Variants in GPC5 observed in about 807,000 individuals in gnomAD.
GPC5 encodes glypican 5, also known as glypican-5.
Under a neutral mutation model 53.9 loss-of-function variants are expected in GPC5, and 47 were observed. That is an observed-to-expected ratio of 0.87 (90% CI 0.69 to 1.11). The LOEUF (loss-of-function observed/expected upper bound fraction) is 1.11. Ranked by LOEUF, GPC5 falls within the 50% of genes most tolerant of loss-of-function variation. GPC5 has a pLI of 0.00. For missense variants in GPC5, 748 were observed against 713.1 expected, an observed-to-expected ratio of 1.05 and a Z score of -0.56; for synonymous variants, 286 against 263.3, an observed-to-expected ratio of 1.09 and a Z score of -0.84.
chr13:92,175,700 A>G (rs2042104402), intron 7 of GPC5, among the ~76,000 whole-genome samples: 2 of 152,172 alleles, frequency 1.3e-5, no homozygotes, highest in South Asian at 4.1e-4. Context: ...TATTAACTGT[A>G]ACACTGTGAG....
chr13:92,361,189 GA>G lies in GPC5; in HGVS notation c.1561+216208del, dbSNP rs963335705. Among the ~76,000 whole-genome samples, 65 of 151,406 alleles carry G rather than the reference GA, an allele frequency of 4.3e-4. 5 individuals carry two copies. Among genetic ancestry groups the G allele is most frequent in the African/African-American group, 1.5e-3 (60 of 40,970 alleles). ...ATAATGGTTGCTAATTCAAATAAAG[GA>G]AAAAAAACAATGGATGCTAAAGAAA... is the stretch of plus-strand genomic sequence containing the variant. On this transcript the variant is annotated intron_variant, in intron 7 of 7. Coordinates refer to ENST00000377067, the MANE Select transcript of GPC5 (RefSeq NM_004466.6).
chr13:91,562,686 T>C (rs1165742993), intron 2 of GPC5, among the ~76,000 whole-genome samples: 1 of 150,834 alleles, frequency 6.6e-6, no homozygotes, highest in East Asian at 1.9e-4. Context: ...TCCAAAGTGC[T>C]GGGATTACAG....
In GPC5 at chr13:91,691,828, A is replaced by G. The variant is rs2035763667; in HGVS notation, c.326-1359A>G. ...CTCTTCTTCCACCTATTTTTGTAAT[A>G]TACTCAAACAGTGTTTAGATTACTA... is the stretch of plus-strand genomic sequence containing the variant. On this transcript the variant is annotated intron_variant, in intron 2 of 7. Coordinates refer to ENST00000377067, the MANE Select transcript of GPC5 (RefSeq NM_004466.6). Among the ~76,000 whole-genome samples, 3 of 152,086 alleles carry G rather than the reference A, an allele frequency of 2.0e-5. No homozygotes were observed. The South Asian group carries it at 6.2e-4, about 32-fold the overall frequency.
intron 2 of GPC5, among the ~76,000 whole-genome samples, chr13:91,515,073 G>A (rs985368356): frequency 6.6e-6 from 1 of 152,100 alleles, no homozygotes; most frequent in East Asian, 1.9e-4. Context: ...TGTGGCTAGG[G>A]GCTACTGTAT....
chr13:92,820,915 G>T (rs190320374), intron 7 of GPC5, among the ~76,000 whole-genome samples: 5 of 152,246 alleles, frequency 3.3e-5, no homozygotes, highest in Admixed American at 2.6e-4. Context: ...GAAAAACAGT[G>T]ACGAAACTGC....
At chr13:91,974,107 C>T (rs1046882543) in intron 6 of GPC5, among the ~76,000 whole-genome samples, 1 of 152,206 alleles carries the variant, frequency 6.6e-6, no homozygotes, top group African/African-American at 2.4e-5. Context: ...GCAGGCAGGC[C>T]TCCTTGAGCT....
chr13:92,216,522 G>A (rs1389923071), intron 7 of GPC5, among the ~76,000 whole-genome samples: 1 of 152,148 alleles, frequency 6.6e-6, no homozygotes, highest in Non-Finnish European at 1.5e-5. Context: ...TCAGTTCCTT[G>A]ATACTATCTG....
chr13:92,223,237 C>T (rs1268243423), intron 7 of GPC5, among the ~76,000 whole-genome samples: 1 of 152,172 alleles, frequency 6.6e-6, no homozygotes, highest in African/African-American at 2.4e-5. Context: ...ACTTGAAAGG[C>T]TTCTTACTCT....
rs181930928 is a variant in GPC5, at chr13:92,290,896, G to A, written c.1561+145907G>A. Among the ~76,000 whole-genome samples the A allele has an allele frequency of 5.1e-3, 779 of 152,210 alleles. 7 individuals carry two copies. The highest frequency in any genetic ancestry group is 0.018 in the African/African-American group (747 of 41,546). On this transcript the variant is annotated intron_variant, in intron 7 of 7. Transcript: ENST00000377067. ...TGCGGGGAGGTGTGGAGGGAGAGGC[G>A]CTGGCGGAAACCGGGGCTGCGCACA...
intron 7 of GPC5, among the ~76,000 whole-genome samples, chr13:92,585,833 C>T (rs1883520868): frequency 6.6e-6 from 1 of 152,112 alleles, no homozygotes; most frequent in African/African-American, 2.4e-5. Flanking sequence ...GGGGAGTTGT[C>T]CTGCACAAGC....
At chr13:91,946,609 C>T (rs2039976515) in intron 6 of GPC5, among the ~76,000 whole-genome samples, 1 of 152,090 alleles carries the variant, frequency 6.6e-6, no homozygotes, top group East Asian at 1.9e-4. Context: ...TGCAAATTAT[C>T]CCTAACACCT....
Position 92,782,371 on chromosome 13 carries a change from A to G in GPC5, c.1562-83911A>G, listed in dbSNP as rs534340318. Among the ~76,000 whole-genome samples the G allele has an allele frequency of 8.5e-5, 13 of 152,290 alleles. No individual in the cohort carries two copies. In the South Asian group the frequency reaches 2.3e-3, roughly 27 times the overall value. ...TTTCAGAATAAGAATACACATAGGCAAACAAGGTCACTGCAGCCCGTGCTA... is the reference window on the plus strand; with the variant it reads ...TTTCAGAATAAGAATACACATAGGCGAACAAGGTCACTGCAGCCCGTGCTA... On this transcript the variant is annotated intron_variant, in intron 7 of 7. Coordinates refer to ENST00000377067, the MANE Select transcript of GPC5 (RefSeq NM_004466.6).
At chr13:92,776,591 T>C (rs1393974957) in intron 7 of GPC5, among the ~76,000 whole-genome samples, 3 of 152,250 alleles carry the variant, frequency 2.0e-5, no homozygotes, top group Non-Finnish European at 4.4e-5. Context: ...CAATGTCTGA[T>C]AGAATAGGCA....
intron 7 of GPC5, among the ~76,000 whole-genome samples, chr13:92,478,151 TATA>T (rs1879222176): frequency 6.6e-6 from 1 of 152,196 alleles, no homozygotes; most frequent in Non-Finnish European, 1.5e-5. Flanking sequence ...GATTTTTAGC[TATA>T]ATCTCATTTT....
At chr13:91,478,902 T>TATATATATATATATATATATATATATAC (rs201918417) in intron 2 of GPC5, among the ~76,000 whole-genome samples, 1 of 90,298 alleles carries the variant, frequency 1.1e-5, no homozygotes, top group African/African-American at 6.0e-5. Flanking sequence ...TATATATATA[T>TATATATATATATATATATATATATATAC]GCACATATAT....
rs141551131 is a variant in GPC5 at position 92,499,160 on chromosome 13, C to T, written c.1561+354171C>T. Among the ~76,000 whole-genome samples the T allele has an allele frequency of 1.1e-3, 172 of 152,144 alleles. 1 individual carries two copies. Among genetic ancestry groups the T allele is most frequent in the East Asian group, 9.9e-3 (51 of 5,160 alleles). ...TACAAATAAGAAGCACACCAACAGA[C>T]GTCCCTTTTATAAGTGAAGAATAAC... On this transcript the variant is annotated intron_variant, in intron 7 of 7. Transcript: ENST00000377067.
chr13:91,425,499 CTA>C (rs1320355337), intron 1 of GPC5, among the ~76,000 whole-genome samples: 1 of 152,144 alleles, frequency 6.6e-6, no homozygotes, highest in Non-Finnish European at 1.5e-5. Context: ...TCTGATGGTT[CTA>C]TAAGGGGCTT....
At chr13:92,283,590 C>A (rs1263306016) in intron 7 of GPC5, among the ~76,000 whole-genome samples, 8 of 152,082 alleles carry the variant, frequency 5.3e-5, no homozygotes, top group Non-Finnish European at 1.0e-4. Context: ...TAAGAAACTC[C>A]CTCAAAACCG....
intron 6 of GPC5, among the ~76,000 whole-genome samples, chr13:92,109,246 T>C (rs116561946): frequency 0.01 from 1,522 of 151,942 alleles, 28 homozygotes; most frequent in African/African-American, 0.035. Context: ...TTTATTTTTT[T>C]TGTGCAGATG....
Sources: gnomAD v4.1 joint callset for allele counts (sites outside exome capture counted in the v4.1 genomes callset) on GRCh38, gnomAD v4.1.1 for gene constraint, MANE v1.5 for transcripts, NCBI Gene and HGNC (gene_info 2026-07-23, HGNC 2026-07-21) for gene names.